The following CAPZB variants were observed in gnomAD, a reference collection of about 807,000 sequenced individuals.
CAPZB encodes capping actin protein of muscle Z-line subunit beta.
In CAPZB, 2 loss-of-function variants were observed where a neutral mutation model predicts 38.1. The ratio of observed to expected loss-of-function variants is 0.05; its 90% CI spans 0.02 to 0.17. The LOEUF is 0.17. CAPZB is among the 10% of genes least tolerant of loss of function. The pLI is 1.00. For synonymous variants in CAPZB, 107 were observed against 127.4 expected (o/e 0.84, Z 1.08); for missense variants, 161 against 334.2 (o/e 0.48, Z 4.04).
chr1:19,446,181 A>C (rs1037815095), intron 1 of CAPZB, among the ~76,000 whole-genome samples: 3 of 152,246 alleles, frequency 2.0e-5, no homozygotes, highest in African/African-American at 7.2e-5. Flanking sequence ...CTTTAAAGCC[A>C]GGCCAAAGGA....
At chr1:19,397,915 T>TG (rs2094281108) in intron 2 of CAPZB, among the ~76,000 whole-genome samples, 2 of 152,072 alleles carry the variant, frequency 1.3e-5, no homozygotes, top group Non-Finnish European at 2.9e-5. Context: ...ACCACTGATC[T>TG]GGGGGGCTCA....
chr1:19,413,859 C>T (rs184625584), intron 2 of CAPZB, among the ~76,000 whole-genome samples: 1 of 152,124 alleles, frequency 6.6e-6, no homozygotes, highest in African/African-American at 2.4e-5. Flanking sequence ...ACCTGGGGGA[C>T]AAAACTGAGT....
chr1:19,464,447 A>G (rs2094562537), intron 1 of CAPZB, among the ~76,000 whole-genome samples: 1 of 151,778 alleles, frequency 6.6e-6, no homozygotes, highest in African/African-American at 2.4e-5. Context: ...GCCCGCCACC[A>G]TGCCCGGCTA....
intron 2 of CAPZB, among the ~76,000 whole-genome samples, chr1:19,405,832 G>C (rs1275420789): frequency 6.6e-6 from 1 of 152,164 alleles, no homozygotes; most frequent in South Asian, 2.1e-4. Context: ...ACATCAATTC[G>C]AGAGCTCGCC....
chr1:19,342,247 C>G (rs2093933243), intron 8 of CAPZB, among the ~76,000 whole-genome samples: 3 of 152,232 alleles, frequency 2.0e-5, no homozygotes, highest in African/African-American at 7.2e-5. Flanking sequence ...GCCCTCCAAC[C>G]CCAGAGACTC....
At chr1:19,484,394 C>T in intron 1 of CAPZB, 1 of 1,530,416 alleles carries the variant, frequency 6.5e-7, no homozygotes, top group Non-Finnish European at 8.8e-7. Context: ...CGCCCCTCGG[C>T]TCCCACTCAG....
At chr1:19,363,133 G>A (rs2094062708) in intron 4 of CAPZB, among the ~76,000 whole-genome samples, 1 of 151,742 alleles carries the variant, frequency 6.6e-6, no homozygotes, top group Admixed American at 6.6e-5. Flanking sequence ...CCAGGCTGGA[G>A]TGTGGTGGTG....
At chr1:19,361,203 G>A (rs547458944) in intron 4 of CAPZB, among the ~76,000 whole-genome samples, 8 of 152,254 alleles carry the variant, frequency 5.3e-5, no homozygotes, top group East Asian at 1.9e-4. Context: ...AAGAAACAAC[G>A]GCGACAGAGT....
intron 1 of CAPZB, among the ~76,000 whole-genome samples, chr1:19,483,621 C>T (rs1262141718): frequency 6.6e-6 from 1 of 152,178 alleles, no homozygotes; most frequent in East Asian, 1.9e-4. Flanking sequence ...CATCACCTGG[C>T]GAGAATCGCT....
chr1:19,462,206 A>G (rs1278261282), intron 1 of CAPZB, among the ~76,000 whole-genome samples: 4 of 151,724 alleles, frequency 2.6e-5, no homozygotes. Flanking sequence ...TAATACTAGC[A>G]CTTTGGGAGG....
At chr1:19,427,703 G>A (rs181128389) in intron 1 of CAPZB, among the ~76,000 whole-genome samples, 50 of 152,330 alleles carry the variant, frequency 3.3e-4, no homozygotes, top group South Asian at 2.1e-4. Context: ...AGCTGTGCAG[G>A]AGGGAGATGC....
chr1:19,433,079 G>A (rs940214984), intron 1 of CAPZB, among the ~76,000 whole-genome samples: 7 of 152,212 alleles, frequency 4.6e-5, no homozygotes, highest in African/African-American at 7.2e-5. Context: ...TCTGCAAGGC[G>A]CCATCACCTT....
At chr1:19,482,884 G>A (rs941513698) in intron 1 of CAPZB, among the ~76,000 whole-genome samples, 15 of 152,192 alleles carry the variant, frequency 9.9e-5, no homozygotes, top group Non-Finnish European at 2.1e-4. Context: ...TATTCAAATA[G>A]GGGATAAACG....
At chr1:19,473,591 T>G (rs1328006892) in intron 1 of CAPZB, among the ~76,000 whole-genome samples, 1 of 152,194 alleles carries the variant, frequency 6.6e-6, no homozygotes, top group East Asian at 1.9e-4. Context: ...TGGCTGGGCA[T>G]GGTGGCTCAC....
chr1:19,436,861 CCT>C, intron 1 of CAPZB, among the ~76,000 whole-genome samples: 1 of 152,244 alleles, frequency 6.6e-6, no homozygotes, highest in East Asian at 1.9e-4. Flanking sequence ...ACAACAAAGG[CCT>C]CGCTGGCCTT....
chr1:19,426,293 T>C (rs927361731), intron 1 of CAPZB, among the ~76,000 whole-genome samples: 66 of 152,160 alleles, frequency 4.3e-4, no homozygotes, highest in African/African-American at 1.6e-3. Flanking sequence ...TTGGAGCCCC[T>C]AGAGATTTTT....
intron 2 of CAPZB, among the ~76,000 whole-genome samples, chr1:19,409,833 G>A (rs1367856536): frequency 6.6e-6 from 1 of 152,066 alleles, no homozygotes; most frequent in Non-Finnish European, 1.5e-5. Context: ...CTATCATTTC[G>A]GCACTGGCTT....
chr1:19,356,653 T>C lies in CAPZB; in HGVS notation c.570A>G (p.Gly190=), dbSNP rs776907890. ...ACTCTACCTGTCTGGTAAGGCTGCC[T>C]CCGAGGTTCATGGTGCCAGAGCCAG... The part of the protein sequence containing the change: ...NKSGSGTMNL[G]GSLTRQMEKD... The change falls in exon 6 of 9, where the codon GGA becomes GGG. Residue 190 remains glycine, a synonymous_variant. Coordinates refer to ENST00000264202, the MANE Select transcript of CAPZB (RefSeq NM_004930.5). The surrounding 1 kb of genome is among the most constrained non-coding windows in gnomAD (Gnocchi z 4.3). 3 of 1,613,688 alleles carry C rather than the reference T, an allele frequency of 1.9e-6. No individual in the cohort carries two copies. The highest frequency in any genetic ancestry group is 4.5e-5 in the East Asian group (2 of 44,870).
intron 1 of CAPZB, among the ~76,000 whole-genome samples, chr1:19,436,701 T>C (rs1012290960): frequency 6.6e-6 from 1 of 152,218 alleles, no homozygotes; most frequent in Non-Finnish European, 1.5e-5. Flanking sequence ...ACATACATTA[T>C]ACTGTTATTT....
Sources: allele counts gnomAD v4.1 joint callset (sites outside exome capture counted in the v4.1 genomes callset), GRCh38; gene constraint gnomAD v4.1.1; non-coding constraint Gnocchi (gnomAD v3.1); transcripts MANE v1.5; gene names NCBI Gene and HGNC (gene_info 2026-07-23, HGNC 2026-07-21).